Variants in CASK observed in about 807,000 individuals in gnomAD.
The protein encoded by CASK is peripheral plasma membrane protein CASK.
CASK carries 4 observed loss-of-function variants against 82.9 expected under a neutral mutation model. That is an observed-to-expected ratio of 0.05 (90% CI 0.02 to 0.11). The LOEUF is 0.11. Among genes scored for constraint, CASK ranks in the 10% least tolerant of loss-of-function variants. CASK has a pLI of 1.00. For synonymous variants in CASK, 259 were observed against 253.5 expected (o/e 1.02, Z -0.20); for missense variants, 358 against 720.9 (o/e 0.50, Z 5.76).
chrX:41,539,401 T>C (rs905574538), intron 22 of CASK, among the ~76,000 whole-genome samples: 11 of 112,319 alleles, frequency 9.8e-5, no homozygotes, highest in Non-Finnish European at 2.1e-4. Context: ...TTCTCAAAGA[T>C]TTGAAGCAGG....
intron 5 of CASK, among the ~76,000 whole-genome samples, chrX:41,712,009 G>C (rs1051995603): frequency 4.4e-5 from 5 of 112,960 alleles, no homozygotes; most frequent in Non-Finnish European, 7.5e-5. Context: ...TAGCACAGGT[G>C]GGGTGAGTGG....
chrX:41,752,762 C>T (rs1307266345), intron 3 of CASK, among the ~76,000 whole-genome samples: 1 of 111,881 alleles, frequency 8.9e-6, no homozygotes, highest in African/African-American at 3.2e-5. Flanking sequence ...GCTGGTGATC[C>T]ATGTTACATA....
At chrX:41,694,897 A>G (rs1396895210) in intron 5 of CASK, among the ~76,000 whole-genome samples, 1 of 112,126 alleles carries the variant, frequency 8.9e-6, no homozygotes, top group Non-Finnish European at 1.9e-5. Flanking sequence ...GTAGCAATAC[A>G]TGTCAAAATG....
chrX:41,620,121 C>CT (rs1206912257), intron 11 of CASK, among the ~76,000 whole-genome samples: 2 of 108,390 alleles, frequency 1.8e-5, no homozygotes, highest in African/African-American at 3.3e-5. Context: ...TTGTGTATTT[C>CT]TTTTTTTTTT....
At chrX:41,867,841 T>C (rs753307287) in intron 1 of CASK, among the ~76,000 whole-genome samples, 1 of 112,563 alleles carries the variant, frequency 8.9e-6, no homozygotes, top group East Asian at 2.8e-4. Context: ...TTCAAGCTTT[T>C]TGTTGGTTTG....
chrX:41,881,404 A>G (rs2071951765), intron 1 of CASK, among the ~76,000 whole-genome samples: 1 of 111,416 alleles, frequency 9.0e-6, no homozygotes, highest in Non-Finnish European at 1.9e-5. Context: ...CAGCACTTCC[A>G]TGGCTTCCTT....
At chrX:41,523,249 A>G (rs2064664001) in intron 26 of CASK, among the ~76,000 whole-genome samples, 1 of 112,506 alleles carries the variant, frequency 8.9e-6, no homozygotes, top group Non-Finnish European at 1.9e-5. Flanking sequence ...TATGAGTAAC[A>G]TAGGTAAATC....
At chrX:41,608,424 T>C (rs1426211797) in intron 12 of CASK, among the ~76,000 whole-genome samples, 3 of 112,034 alleles carry the variant, frequency 2.7e-5, no homozygotes, top group African/African-American at 9.7e-5. Context: ...CCCAGAGCCA[T>C]GCTCTGTAGA....
chrX:41,778,915 T>C (rs1255567499), intron 3 of CASK, among the ~76,000 whole-genome samples: 2 of 110,174 alleles, frequency 1.8e-5, no homozygotes, highest in Non-Finnish European at 3.8e-5. Flanking sequence ...ATCTTTACAG[T>C]CAATTATATT....
chrX:41,573,075 C>CTTTTTTT (rs147599527), intron 15 of CASK, among the ~76,000 whole-genome samples: 15 of 87,914 alleles, frequency 1.7e-4, no homozygotes, highest in Admixed American at 2.6e-4. Context: ...TTTCTTTTTT[C>CTTTTTTT]TTTTTTTTTT....
chrX:41,659,225 A>T (rs1400847460), intron 8 of CASK, among the ~76,000 whole-genome samples: 5 of 109,761 alleles, frequency 4.6e-5, no homozygotes, highest in Admixed American at 3.9e-4. Context: ...GACTTGGTGC[A>T]AATTCTTTTT....
At chrX:41,708,614 T>C (rs191693460) in intron 5 of CASK, among the ~76,000 whole-genome samples, 1 of 112,485 alleles carries the variant, frequency 8.9e-6, no homozygotes, top group East Asian at 2.8e-4. Context: ...ATGTGTAAAG[T>C]GGTTTTCAGC....
At chrX:41,855,449 G>A (rs935457894) in intron 1 of CASK, among the ~76,000 whole-genome samples, 2 of 111,406 alleles carry the variant, frequency 1.8e-5, no homozygotes, top group African/African-American at 6.5e-5. Flanking sequence ...AGGTTTTTGC[G>A]ATTTAACCCA....
intron 1 of CASK, among the ~76,000 whole-genome samples, chrX:41,895,070 G>A (rs751912242): frequency 9.0e-5 from 10 of 111,493 alleles, no homozygotes; most frequent in Non-Finnish European, 1.3e-4. Flanking sequence ...GGCAGACATG[G>A]TATCTAGAAG....
chrX:41,873,306 A>AAAG (rs2055994361), intron 1 of CASK, among the ~76,000 whole-genome samples: 1 of 105,517 alleles, frequency 9.5e-6, no homozygotes, highest in African/African-American at 3.5e-5. Context: ...AAAAAAAAAA[A>AAAG]AGAGAGAGAG....
At chrX:41,847,583 T>A (rs1242636715) in intron 2 of CASK, among the ~76,000 whole-genome samples, 3 of 112,343 alleles carry the variant, frequency 2.7e-5, no homozygotes, top group Non-Finnish European at 5.6e-5. Flanking sequence ...GTGTGAGCTA[T>A]ATTTTCTTGT....
intron 21 of CASK, among the ~76,000 whole-genome samples, chrX:41,546,747 G>T (rs1262412984): frequency 9.0e-6 from 1 of 111,084 alleles, no homozygotes; most frequent in African/African-American, 3.3e-5. Flanking sequence ...CAAAGTGCAG[G>T]GATTACAGGC....
intron 12 of CASK, among the ~76,000 whole-genome samples, chrX:41,605,962 A>C (rs1299378266): frequency 8.9e-6 from 1 of 111,982 alleles, no homozygotes. Flanking sequence ...TATAGAAGTG[A>C]GCCACTGCAC....
chrX:41,607,419 G>T (rs760726407), intron 12 of CASK, among the ~76,000 whole-genome samples: 1 of 112,324 alleles, frequency 8.9e-6, no homozygotes, highest in East Asian at 2.8e-4. Flanking sequence ...AATCTACCTG[G>T]CAATGACCTA....
Sources: allele counts gnomAD v4.1 joint callset (sites outside exome capture counted in the v4.1 genomes callset), GRCh38; gene constraint gnomAD v4.1.1; transcripts MANE v1.5; gene names NCBI Gene and HGNC (gene_info 2026-07-23, HGNC 2026-07-21).